DYM: variants seen among roughly 807,000 people sequenced by gnomAD.
DYM encodes the protein dymeclin.
In DYM, 78 loss-of-function variants were observed where a neutral mutation model predicts 93.1. The ratio of observed to expected loss-of-function variants is 0.84; its 90% confidence interval spans 0.70 to 1.01. The LOEUF is 1.01. Ranked by LOEUF, DYM falls within the 50% of genes least tolerant of loss-of-function variation. The probability of loss-of-function intolerance (pLI) is 0.00; values close to 1 mark genes in which losing one functional copy is unlikely to be tolerated. For synonymous variants in DYM, 321 were observed against 319.7 expected (o/e 1.00, Z -0.04); for missense variants, 789 against 845.0 (o/e 0.93, Z 0.82).
At chr18:49,312,703 A>G (rs1031860189) in intron 8 of DYM, among the ~76,000 whole-genome samples, 3 of 152,194 alleles carry the variant, frequency 2.0e-5, no homozygotes, top group Non-Finnish European at 2.9e-5. Context: ...GGTACAAGCT[A>G]TAACACAGGT....
At chr18:49,457,220 G>T (rs1445397213) in intron 1 of DYM, among the ~76,000 whole-genome samples, 5 of 152,144 alleles carry the variant, frequency 3.3e-5, no homozygotes, top group Admixed American at 3.3e-4. Context: ...TTCTTTTGCT[G>T]CTGAAATGGG....
intron 17 of DYM, among the ~76,000 whole-genome samples, chr18:49,070,582 C>T (rs2076807552): frequency 6.6e-6 from 1 of 152,174 alleles, no homozygotes; most frequent in Admixed American, 6.5e-5. Context: ...TTTGTGTTCT[C>T]TAATTTTCTT....
intron 14 of DYM, among the ~76,000 whole-genome samples, chr18:49,194,914 T>C (rs997780256): frequency 2.6e-5 from 4 of 152,222 alleles, no homozygotes; most frequent in Non-Finnish European, 5.9e-5. Flanking sequence ...TTGCAGTCAT[T>C]AGCCTCCATA....
intron 15 of DYM, among the ~76,000 whole-genome samples, chr18:49,119,824 A>G (rs1653037457): frequency 6.6e-6 from 1 of 152,152 alleles, no homozygotes; most frequent in African/African-American, 2.4e-5. Flanking sequence ...GTGGTGGCTC[A>G]TGCCTGTAAT....
At chr18:49,324,412 C>A (rs2062742622) in intron 8 of DYM, among the ~76,000 whole-genome samples, 1 of 151,986 alleles carries the variant, frequency 6.6e-6, no homozygotes, top group East Asian at 1.9e-4. Flanking sequence ...ATAAATTAGT[C>A]AATAAGAAAT....
At chr18:49,105,272 A>G (rs550391930) in intron 16 of DYM, among the ~76,000 whole-genome samples, 1 of 152,048 alleles carries the variant, frequency 6.6e-6, no homozygotes, top group East Asian at 1.9e-4. Flanking sequence ...ATCATTTTTT[A>G]TTGCGTCTAT....
intron 1 of DYM, chr18:49,447,322 C>T (rs2082176043): frequency 6.6e-6 from 1 of 152,194 alleles, no homozygotes; most frequent in Admixed American, 6.5e-5. Flanking sequence ...TCTCTCCTTT[C>T]TTCTGTCTAT....
intron 6 of DYM, among the ~76,000 whole-genome samples, chr18:49,341,447 G>C (rs900716874): frequency 1.6e-5 from 2 of 125,876 alleles, no homozygotes; most frequent in Admixed American, 2.0e-4. Context: ...AGCTGAGATC[G>C]CACCACTGCA....
intron 14 of DYM, among the ~76,000 whole-genome samples, chr18:49,200,451 TAGC>T (rs1342964201): frequency 6.6e-6 from 1 of 151,860 alleles, no homozygotes; most frequent in Non-Finnish European, 1.5e-5. Flanking sequence ...AAATAGAAAA[TAGC>T]AGTATAGAAG....
intron 17 of DYM, among the ~76,000 whole-genome samples, chr18:49,057,314 G>A (rs1200545822): frequency 1.3e-5 from 2 of 152,238 alleles, no homozygotes. Context: ...ACCGCAGAGA[G>A]GAAGGACTTC....
chr18:49,296,606 G>T (rs903935257), intron 8 of DYM, among the ~76,000 whole-genome samples: 28 of 151,744 alleles, frequency 1.8e-4, no homozygotes, highest in African/African-American at 6.5e-4. Flanking sequence ...ATTGGTGGGG[G>T]GAAATAGTTC....
chr18:49,316,643 G>T lies in DYM; in HGVS notation c.763+15221C>A, dbSNP rs565885896. Among the ~76,000 whole-genome samples the T allele has an allele frequency of 7.2e-5, 11 of 152,264 alleles. No individual in the cohort carries two copies. In the South Asian group the frequency reaches 2.1e-3, roughly 29 times the overall value. On this transcript the variant is annotated intron_variant, in intron 8 of 17. Coordinates refer to ENST00000675505, the MANE Select transcript of DYM (RefSeq NM_001353214.3). ...TGATCAAGTTTACAGCTAAACAGCAGGATATATCATCACATCATACAGAAT... is the reference window on the plus strand; with the variant it reads ...TGATCAAGTTTACAGCTAAACAGCATGATATATCATCACATCATACAGAAT...
At chr18:49,301,225 T>G (rs1301312192) in intron 8 of DYM, among the ~76,000 whole-genome samples, 1 of 152,056 alleles carries the variant, frequency 6.6e-6, no homozygotes, top group African/African-American at 2.4e-5. Flanking sequence ...TAAAAAGAAT[T>G]AAGAAGGTTC....
At chr18:49,180,689 A>G (rs2089843572) in intron 14 of DYM, among the ~76,000 whole-genome samples, 1 of 152,144 alleles carries the variant, frequency 6.6e-6, no homozygotes, top group Non-Finnish European at 1.5e-5. Flanking sequence ...AGAAAGGAAT[A>G]TAGGCTAATT....
intron 9 of DYM, among the ~76,000 whole-genome samples, chr18:49,283,265 T>G (rs1428740043): frequency 6.6e-6 from 1 of 152,164 alleles, no homozygotes; most frequent in African/African-American, 2.4e-5. Context: ...GTCCAGCCAT[T>G]GCAGGTTGGG....
At chr18:49,239,606 G>GC (rs2144673983) in intron 13 of DYM, among the ~76,000 whole-genome samples, 1 of 152,368 alleles carries the variant, frequency 6.6e-6, no homozygotes, top group South Asian at 2.1e-4. Context: ...GAACCTGCCT[G>GC]CGTTGCGGTG....
intron 17 of DYM, among the ~76,000 whole-genome samples, chr18:49,093,661 T>C (rs562559223): frequency 6.6e-6 from 1 of 150,942 alleles, no homozygotes; most frequent in Non-Finnish European, 1.5e-5. Context: ...ACACGAGGAG[T>C]GTGGATGTGT....
chr18:49,128,704 T>C (rs1489683099), intron 15 of DYM, among the ~76,000 whole-genome samples: 4 of 152,188 alleles, frequency 2.6e-5, no homozygotes, highest in Admixed American at 6.5e-5. Flanking sequence ...ATTTTATTAA[T>C]ATAACCAAAA....
chr18:49,085,258 T>C (rs546423497), intron 17 of DYM, among the ~76,000 whole-genome samples: 1 of 152,288 alleles, frequency 6.6e-6, no homozygotes, highest in South Asian at 2.1e-4. Context: ...ACCAAACCCA[T>C]CTCAAGTTTA....
Sources: gnomAD v4.1 joint callset for allele counts (sites outside exome capture counted in the v4.1 genomes callset) on GRCh38, gnomAD v4.1.1 for gene constraint, MANE v1.5 for transcripts, NCBI Gene and HGNC (gene_info 2026-07-23, HGNC 2026-07-21) for gene names.